Variants in SKP2 observed in about 807,000 individuals in gnomAD.
SKP2 encodes the protein S-phase kinase associated protein 2, also known as S-phase kinase-associated protein 2.
A neutral mutation model predicts 51.8 loss-of-function variants in SKP2; 16 were observed. The ratio of observed to expected loss-of-function variants is 0.31; its 90% CI spans 0.21 to 0.47. The LOEUF is 0.47. SKP2 is among the 20% of genes least tolerant of loss of function. The probability of loss-of-function intolerance (pLI) is 1.00; values close to 1 mark genes in which losing one functional copy is unlikely to be tolerated. For synonymous variants in SKP2, 176 were observed against 198.6 expected (o/e 0.89, Z 0.96); for missense variants, 377 against 505.3 (o/e 0.75, Z 2.43).
At chr5:36,180,934 GCAAA>G (rs1267121785) in intron 9 of SKP2, among the ~76,000 whole-genome samples, 1 of 152,136 alleles carries the variant, frequency 6.6e-6, no homozygotes, top group Non-Finnish European at 1.5e-5. Context: ...CCAACCTTGA[GCAAA>G]CAGAGATGAG....
At chr5:36,161,842 A>C (rs13164753) in intron 2 of SKP2, among the ~76,000 whole-genome samples, 5 of 152,172 alleles carry the variant, frequency 3.3e-5, no homozygotes, top group Non-Finnish European at 7.3e-5. Flanking sequence ...AGAGAATATC[A>C]CCAGAATTGG....
At chr5:36,187,728 A>G (rs1745969640), downstream of SKP2, among the ~76,000 whole-genome samples, 2 of 152,108 alleles carry the variant, frequency 1.3e-5, no homozygotes, top group African/African-American at 4.8e-5. Flanking sequence ...TGGGGTGGAG[A>G]GTTCTGTAGA....
intron 7 of SKP2, among the ~76,000 whole-genome samples, chr5:36,173,716 C>T (rs948361129): frequency 6.6e-6 from 1 of 152,162 alleles, no homozygotes; most frequent in Admixed American, 6.5e-5. Flanking sequence ...GCTTGCTAGA[C>T]ACATTCAGGA....
chr5:36,158,667 T>G (rs758556985), intron 2 of SKP2, among the ~76,000 whole-genome samples: 2 of 152,238 alleles, frequency 1.3e-5, no homozygotes, highest in Non-Finnish European at 2.9e-5. Context: ...AATTCTCACC[T>G]TTTCAAAATT....
At position 36,163,772 on chromosome 5, in the gene SKP2, C is replaced by G; in HGVS notation, c.392+16C>G. 1 of 1,522,550 alleles carries G rather than the reference C, an allele frequency of 6.6e-7. No homozygotes were observed. The highest frequency in any genetic ancestry group is 9.1e-7 in the Non-Finnish European group (1 of 1,096,452). 94.3% of individuals were successfully genotyped at this position (1,522,550 alleles called of 1,614,324 possible). On this transcript the variant is annotated intron_variant, in intron 3 of 9. Coordinates refer to ENST00000274255, the MANE Select transcript of SKP2 (RefSeq NM_005983.4). ...ATCGCCTAGCGTAAGTATTTTTCAC[C>G]CCTTTGGCAAACGTAGGGGAGGAAG...
chr5:36,185,378 T>C (rs965163332), downstream of SKP2, among the ~76,000 whole-genome samples: 1 of 152,172 alleles, frequency 6.6e-6, no homozygotes, highest in East Asian at 1.9e-4. Flanking sequence ...TCTTCTAGGG[T>C]TTTTATGGTT....
At chr5:36,154,709 G>A (rs1744887197) in intron 2 of SKP2, among the ~76,000 whole-genome samples, 1 of 151,928 alleles carries the variant, frequency 6.6e-6, no homozygotes, top group East Asian at 1.9e-4. Flanking sequence ...TTTATTTTTT[G>A]TAGAGATGGA....
At chr5:36,190,683 CAAAAAAAAAAAA>C (rs70973094) in intron 6 of SKP2, among the ~76,000 whole-genome samples, 2 of 81,190 alleles carry the variant, frequency 2.5e-5, no homozygotes, top group African/African-American at 5.3e-5. Context: ...CAAACATATG[CAAAAAAAAAAAA>C]AAAAAAAAAA....
At chr5:36,185,592 G>A (rs1046130659), downstream of SKP2, among the ~76,000 whole-genome samples, 6 of 152,252 alleles carry the variant, frequency 3.9e-5, no homozygotes, top group East Asian at 1.9e-4. Flanking sequence ...TGAGGGCTCC[G>A]TTCTGTTCCA....
chr5:36,153,782 G>GT (rs1744845930), intron 2 of SKP2, among the ~76,000 whole-genome samples: 1 of 152,156 alleles, frequency 6.6e-6, no homozygotes, highest in African/African-American at 2.4e-5. Context: ...AGAACTTACT[G>GT]TATCTTCCCT....
Position 36,184,175 on chromosome 5 carries a change from T to C in SKP2, c.*2144T>C. On this transcript the variant is annotated 3_prime_UTR_variant, in exon 10 of 10. Coordinates refer to ENST00000274255, the MANE Select transcript of SKP2 (RefSeq NM_005983.4). ...TCAAAACAGAGCCCTGAGATGGTCCTTTTTGACCCATCTACTTCATATGCT... is the reference window on the plus strand; with the variant it reads ...TCAAAACAGAGCCCTGAGATGGTCCCTTTTGACCCATCTACTTCATATGCT... 2.3e-6 allele frequency: 1 copy of C among 436,376 alleles called. No individual in the cohort carries two copies. The highest frequency in any genetic ancestry group is 4.0e-6 in the Non-Finnish European group (1 of 248,312). 27.0% of individuals were successfully genotyped at this position (436,376 alleles called of 1,614,324 possible). A position where few individuals can be genotyped will look rare whatever the true frequency, so the allele number is the denominator to read the frequency against.
At position 36,182,021 on chromosome 5, in the gene SKP2, G is replaced by A; in HGVS notation, c.1265G>A (p.Ser422Asn). Residue 422 changes from serine (S) to asparagine (N), a missense_variant, in exon 10 of 10, where the codon AGT (serine) becomes AAT (asparagine). Around this residue, in one of 2 missense-constraint regions of SKP2, gnomAD observed 262 missense variants for 389.8 expected, o/e 0.67. Coordinates refer to ENST00000274255, the MANE Select transcript of SKP2 (RefSeq NM_005983.4). ...TGCCGACTGACACTGCAAAAGCCCA[G>A]TTGTCTATGAAGTATTTATTGCAGG... is the stretch of plus-strand genomic sequence containing the variant. ...IKCRLTLQKP[S>N]CL 1.2e-6 allele frequency: 2 copies of A among 1,614,088 alleles called. No individual in the cohort carries two copies. The highest frequency in any genetic ancestry group is 8.5e-7 in the Non-Finnish European group (1 of 1,179,962).
At chr5:36,171,323 T>C (rs143656188) in intron 6 of SKP2, among the ~76,000 whole-genome samples, 126 of 152,276 alleles carry the variant, frequency 8.3e-4, no homozygotes, top group African/African-American at 3.0e-3. Context: ...AGACTGGCAT[T>C]TCTACCTGCA....
At chr5:36,179,023 C>G (rs1745721881) in intron 9 of SKP2, among the ~76,000 whole-genome samples, 1 of 152,040 alleles carries the variant, frequency 6.6e-6, no homozygotes, top group Non-Finnish European at 1.5e-5. Context: ...ATTATTATTT[C>G]TTATTTGTAC....
chr5:36,152,748 G>A, intron 1 of SKP2, 23 bp from the exon 2 acceptor site: 1 of 1,605,750 alleles, frequency 6.2e-7, no homozygotes, highest in Non-Finnish European at 8.5e-7. Flanking sequence ...GAAAGGAACC[G>A]GGGGTATTGT....
intron 7 of SKP2, among the ~76,000 whole-genome samples, chr5:36,176,625 G>A (rs1291853434): frequency 6.6e-6 from 1 of 151,750 alleles, no homozygotes. Context: ...TGCTACCTTT[G>A]TAATATATTG....
chr5:36,171,968 A>G (rs957773057), intron 7 of SKP2, among the ~76,000 whole-genome samples: 6 of 152,250 alleles, frequency 3.9e-5, no homozygotes, highest in African/African-American at 1.4e-4. Flanking sequence ...TTTACACTTG[A>G]AAACAATGTA....
chr5:36,176,248 A>G (rs896664448), intron 7 of SKP2, among the ~76,000 whole-genome samples: 1 of 151,674 alleles, frequency 6.6e-6, no homozygotes, highest in African/African-American at 2.4e-5. Flanking sequence ...TTTTCTCTTT[A>G]TATAAGATTA....
Position 36,184,002 on chromosome 5 carries a change from A to T in SKP2, c.*1971A>T, listed in dbSNP as rs776163190. ...ATTTCTACTTTTATAGACTTGTTTTAAAACAATAAAACACATTTTTATAAA... is the reference window on the plus strand; with the variant it reads ...ATTTCTACTTTTATAGACTTGTTTTTAAACAATAAAACACATTTTTATAAA... On this transcript the variant is annotated 3_prime_UTR_variant, in exon 10 of 10. Coordinates refer to ENST00000274255, the MANE Select transcript of SKP2 (RefSeq NM_005983.4). The T allele has an allele frequency of 8.7e-5, 130 of 1,486,948 alleles. No homozygotes were observed. The highest frequency in any genetic ancestry group is 1.2e-4 in the Non-Finnish European group (128 of 1,078,170). The allele number at this position is 1,486,948 out of a possible 1,614,324, so 92.1% of individuals were successfully genotyped here. A position where few individuals can be genotyped will look rare whatever the true frequency, so the allele number is the denominator to read the frequency against.
Sources: gnomAD v4.1 joint callset for allele counts (sites outside exome capture counted in the v4.1 genomes callset) on GRCh38, gnomAD v4.1.1 for gene constraint, gnomAD v4.1.1 regional missense constraint, MANE v1.5 for transcripts, NCBI Gene and HGNC (gene_info 2026-07-23, HGNC 2026-07-21) for gene names.